The following ANO2 variants were observed in gnomAD, a reference collection of about 807,000 sequenced individuals.
The protein encoded by ANO2 is anoctamin-2.
In ANO2, 101 loss-of-function variants were observed where a neutral mutation model predicts 124.2. That is an observed-to-expected ratio of 0.81 (90% CI 0.69 to 0.96). The LOEUF (loss-of-function observed/expected upper bound fraction) is 0.96. ANO2 is among the 40% of genes least tolerant of loss of function. The pLI is 0.00. For missense variants in ANO2, 1,293 were observed against 1,274.5 expected, an observed-to-expected ratio of 1.01 and a Z score of -0.22; for synonymous variants, 486 against 482.5, an observed-to-expected ratio of 1.01 and a Z score of -0.09.
intron 3 of ANO2, among the ~76,000 whole-genome samples, chr12:5,877,793 T>A (rs966741267): frequency 6.6e-6 from 1 of 152,208 alleles, no homozygotes; most frequent in Non-Finnish European, 1.5e-5. Context: ...TAAATTCTCA[T>A]AAGGAACGCA....
chr12:5,748,244 G>A (rs1317653578), intron 11 of ANO2, among the ~76,000 whole-genome samples: 1 of 152,216 alleles, frequency 6.6e-6, no homozygotes, highest in Non-Finnish European at 1.5e-5. Flanking sequence ...CGGGGCACAA[G>A]TTCTAAATCC....
intron 10 of ANO2, among the ~76,000 whole-genome samples, chr12:5,777,220 A>G (rs1952258292): frequency 6.6e-6 from 1 of 152,220 alleles, no homozygotes; most frequent in Admixed American, 6.5e-5. Flanking sequence ...AGCTTTAACC[A>G]AGAGTTGTCA....
chr12:5,858,428 G>A (rs1025506706), intron 3 of ANO2, among the ~76,000 whole-genome samples: 3 of 152,178 alleles, frequency 2.0e-5, no homozygotes, highest in African/African-American at 7.2e-5. Context: ...CTATCTAGGT[G>A]TATAGCTTCC....
intron 14 of ANO2, among the ~76,000 whole-genome samples, chr12:5,731,058 T>C (rs34097431): frequency 0.21 from 31,599 of 152,242 alleles, 3,507 homozygotes; most frequent in Middle Eastern, 0.27. Context: ...TCCGGTTCCT[T>C]GGCATTCCCG....
chr12:5,909,841 G>C (rs1170397634), intron 3 of ANO2, among the ~76,000 whole-genome samples: 1 of 152,176 alleles, frequency 6.6e-6, no homozygotes, highest in Non-Finnish European at 1.5e-5. Flanking sequence ...CTTCTCCTAG[G>C]CTTTGGGGAA....
intron 12 of ANO2, chr12:5,741,127 C>T (rs1015173978): frequency 6.6e-6 from 1 of 152,342 alleles, no homozygotes; most frequent in Non-Finnish European, 1.5e-5. Flanking sequence ...GGAGCCTGAG[C>T]ACACTTCACT....
At chr12:5,600,071 C>T (rs1443416904) in intron 19 of ANO2, among the ~76,000 whole-genome samples, 1 of 152,190 alleles carries the variant, frequency 6.6e-6, no homozygotes, top group Non-Finnish European at 1.5e-5. Context: ...TAAAACCAAG[C>T]TAAACATTGC....
chr12:5,713,195 G>A (rs541797198), intron 14 of ANO2, among the ~76,000 whole-genome samples: 184 of 152,268 alleles, frequency 1.2e-3, no homozygotes, highest in African/African-American at 4.0e-3. Context: ...CAGAGATGGT[G>A]AGTGGTTCAA....
chr12:5,945,031 A>C (rs1014660839), intron 1 of ANO2, among the ~76,000 whole-genome samples, 165 bp downstream of exon 1: 1 of 151,922 alleles, frequency 6.6e-6, no homozygotes, highest in African/African-American at 2.4e-5. Flanking sequence ...GACGTCCCTC[A>C]GAGTCCCTAC....
intron 4 of ANO2, among the ~76,000 whole-genome samples, chr12:5,853,166 ATT>A (rs55663635): frequency 1.4e-5 from 2 of 140,060 alleles, no homozygotes; most frequent in Non-Finnish European, 1.5e-5. Context: ...CCCTGGGTAG[ATT>A]TTTTTTTTTT....
intron 9 of ANO2, among the ~76,000 whole-genome samples, chr12:5,802,718 C>G (rs139157723): frequency 0.015 from 2,225 of 152,340 alleles, 53 homozygotes; most frequent in African/African-American, 0.049. Flanking sequence ...TCTAATGCAG[C>G]TCTTAGTGAA....
chr12:5,688,704 T>C (rs1948802566), intron 14 of ANO2, among the ~76,000 whole-genome samples: 1 of 152,100 alleles, frequency 6.6e-6, no homozygotes, highest in Admixed American at 6.5e-5. Flanking sequence ...CAAAATGTAA[T>C]AGGGCCTGGG....
At chr12:5,733,525 T>G (rs1440283858) in intron 13 of ANO2, among the ~76,000 whole-genome samples, 3 of 152,210 alleles carry the variant, frequency 2.0e-5, no homozygotes, top group Admixed American at 2.0e-4. Context: ...GGGCAGGGAT[T>G]CAGGTACTGG....
intron 3 of ANO2, among the ~76,000 whole-genome samples, chr12:5,891,719 T>C (rs755315736): frequency 2.0e-4 from 31 of 152,208 alleles, no homozygotes; most frequent in Non-Finnish European, 4.0e-4. Flanking sequence ...ATCCATAGGA[T>C]AGACTCAAAT....
intron 10 of ANO2, among the ~76,000 whole-genome samples, chr12:5,767,530 T>C (rs758875792): frequency 2.5e-4 from 38 of 152,236 alleles, no homozygotes; most frequent in Non-Finnish European, 4.8e-4. Context: ...TCAGCATCTA[T>C]ATGTGCCAAG....
At chr12:5,806,002 C>A in intron 9 of ANO2, 50 bp downstream of exon 9, 1 of 1,587,338 alleles carries the variant, frequency 6.3e-7, no homozygotes, top group Admixed American at 1.7e-5. Context: ...CCACACCCAC[C>A]CGTAGTCTCG....
At chr12:5,759,758 T>G (rs1004281669) in intron 10 of ANO2, among the ~76,000 whole-genome samples, 3 of 151,782 alleles carry the variant, frequency 2.0e-5, no homozygotes, top group African/African-American at 7.3e-5. Flanking sequence ...GGTTGCGGAC[T>G]GCTGCCTTAA....
chr12:5,940,156 C>A (rs1022560408), intron 1 of ANO2, among the ~76,000 whole-genome samples: 3 of 152,160 alleles, frequency 2.0e-5, no homozygotes, highest in Non-Finnish European at 4.4e-5. Context: ...CTTCTTGAGG[C>A]TCCTCCTGGA....
At chr12:5,820,657 C>A (rs1953765000) in intron 7 of ANO2, among the ~76,000 whole-genome samples, 1 of 152,182 alleles carries the variant, frequency 6.6e-6, no homozygotes, top group Admixed American at 6.5e-5. Context: ...ATATCGCATC[C>A]CTGGAGGGTG....
Sources: gnomAD v4.1 joint callset for allele counts (sites outside exome capture counted in the v4.1 genomes callset) on GRCh38, gnomAD v4.1.1 for gene constraint, MANE v1.5 for transcripts, NCBI Gene and HGNC (gene_info 2026-07-23, HGNC 2026-07-21) for gene names.